The following CSMD3 variants were observed in gnomAD, a reference collection of about 807,000 sequenced individuals.
CSMD3 encodes the protein CUB and Sushi multiple domains 3.
In CSMD3, 177 loss-of-function variants were observed where a neutral mutation model predicts 435.2. That is an observed-to-expected ratio of 0.41 (90% CI 0.36 to 0.46). The LOEUF (loss-of-function observed/expected upper bound fraction) is 0.46, where lower values mean the gene tolerates loss of function less well. Ranked by LOEUF, CSMD3 falls within the 20% of genes least tolerant of loss-of-function variation. CSMD3 has a pLI of 0.34. For missense variants in CSMD3, 4,265 were observed against 4,504.6 expected (o/e 0.95, Z 1.52); for synonymous variants, 1,656 against 1,520.5 (o/e 1.09, Z -2.07).
chr8:112,701,156 T>C (rs948480240), intron 13 of CSMD3, among the ~76,000 whole-genome samples: 2 of 152,144 alleles, frequency 1.3e-5, no homozygotes, highest in African/African-American at 4.8e-5. Flanking sequence ...TTCTAGAGAA[T>C]TAAAGCTAAT....
At chr8:113,271,864 T>C (rs934569619) in intron 3 of CSMD3, among the ~76,000 whole-genome samples, 3 of 152,172 alleles carry the variant, frequency 2.0e-5, no homozygotes, top group Admixed American at 1.3e-4. Context: ...AGTGGTGCTA[T>C]ACCCTGCAAA....
chr8:112,709,216 C>T (rs2076560780), intron 13 of CSMD3, among the ~76,000 whole-genome samples: 1 of 152,030 alleles, frequency 6.6e-6, no homozygotes, highest in African/African-American at 2.4e-5. Context: ...ATAAGTAATG[C>T]CTTCTGAAAT....
In CSMD3 at chr8:112,291,550, T is replaced by C. The variant is rs150396887; in HGVS notation, c.8934A>G (p.Gln2978=). The change falls in exon 56 of 71, where the codon CAA becomes CAG. Residue 2978 remains glutamine, a synonymous_variant. Transcript: ENST00000297405. ...AAGGTTTGTCCCATTGTCCATTTGG[T>C]TGACATATCAAAACTGAAGATCCAA... is the stretch of plus-strand genomic sequence containing the variant. The part of the protein sequence containing the change: ...FLFGSSVLIC[Q]PNGQWDKPLP... 3.7e-6 allele frequency: 6 copies of C among 1,611,642 alleles called. No homozygotes were observed. In the East Asian group the frequency reaches 1.1e-4, roughly 30 times the overall value.
chr8:112,927,679 T>C (rs996784867), intron 9 of CSMD3, among the ~76,000 whole-genome samples: 14 of 152,136 alleles, frequency 9.2e-5, no homozygotes, highest in African/African-American at 2.9e-4. Flanking sequence ...TTTCATCTCA[T>C]ACCAAAACTT....
chr8:112,546,790 C>A (rs1361655082), intron 27 of CSMD3, among the ~76,000 whole-genome samples: 13 of 152,106 alleles, frequency 8.5e-5, no homozygotes, highest in Non-Finnish European at 1.8e-4. Flanking sequence ...GCAAAAGTGC[C>A]TTGCAGACAA....
chr8:112,633,269 A>G (rs999593252), intron 22 of CSMD3, among the ~76,000 whole-genome samples: 2 of 151,040 alleles, frequency 1.3e-5, no homozygotes, highest in African/African-American at 4.9e-5. Flanking sequence ...GAAGCCATGT[A>G]TCAACTATAA....
At chr8:112,418,903 T>A (rs1586261411) in intron 32 of CSMD3, among the ~76,000 whole-genome samples, 1 of 152,306 alleles carries the variant, frequency 6.6e-6, no homozygotes, top group East Asian at 1.9e-4. Context: ...ATTTAAAATA[T>A]TGTATAAAAT....
At chr8:112,910,522 T>C (rs925544308) in intron 10 of CSMD3, among the ~76,000 whole-genome samples, 1 of 151,742 alleles carries the variant, frequency 6.6e-6, no homozygotes, top group Admixed American at 6.6e-5. Flanking sequence ...GGAGAGTATG[T>C]GTCAATTTTT....
At chr8:112,682,763 A>G in intron 15 of CSMD3, 127 bp from the exon 16 acceptor site, 2 of 732,274 alleles carry the variant, frequency 2.7e-6, no homozygotes, top group South Asian at 3.3e-5. Context: ...TTTCTACACA[A>G]GTTTTTATTT....
At chr8:113,227,355 A>G (rs1346876414) in intron 3 of CSMD3, among the ~76,000 whole-genome samples, 1 of 151,624 alleles carries the variant, frequency 6.6e-6, no homozygotes, top group African/African-American at 2.4e-5. Context: ...AGAATGGATT[A>G]AAAGAGAATG....
At chr8:112,676,519 T>C (rs942505895) in intron 16 of CSMD3, among the ~76,000 whole-genome samples, 1 of 152,152 alleles carries the variant, frequency 6.6e-6, no homozygotes, top group Non-Finnish European at 1.5e-5. Context: ...GAGGAAAATT[T>C]GATTTTAAAA....
chr8:112,362,259 T>C lies in CSMD3; in HGVS notation c.6137-9725A>G, dbSNP rs75328630. Among the ~76,000 whole-genome samples, 531 of 152,148 alleles carry C rather than the reference T, an allele frequency of 3.5e-3. 3 individuals carry two copies. Among genetic ancestry groups the C allele is most frequent in the African/African-American group, 0.012 (490 of 41,560 alleles). ...ATCATGTAACAAGTAACTTCATGAATGTTTGTGGATAAACTTTTTTGGAAG... is the reference window on the plus strand; with the variant it reads ...ATCATGTAACAAGTAACTTCATGAACGTTTGTGGATAAACTTTTTTGGAAG... On this transcript the variant is annotated intron_variant, in intron 38 of 70. Transcript: ENST00000297405.
chr8:112,810,356 T>C (rs1162567736), intron 12 of CSMD3, among the ~76,000 whole-genome samples: 1 of 136,590 alleles, frequency 7.3e-6, no homozygotes, highest in Non-Finnish European at 1.5e-5. Flanking sequence ...GGAAGGATAA[T>C]TTAGAATGAA....
intron 5 of CSMD3, among the ~76,000 whole-genome samples, chr8:113,091,391 T>C (rs1343236892): frequency 1.3e-5 from 2 of 152,126 alleles, no homozygotes; most frequent in African/African-American, 4.8e-5. Context: ...ACTGAAGCCA[T>C]TGACTCCCAG....
In CSMD3 at chr8:112,867,176, C is replaced by T. The variant is rs373650632; in HGVS notation, c.1634-7910G>A. On this transcript the variant is annotated intron_variant, in intron 10 of 70. Transcript: ENST00000297405. Reference sequence around the variant, plus strand: ...TCTCAGCAAGAAAAGGGAACTATCCCTGACTTCACAGAAGTAGGCCAAGGC... The same window carrying T: ...TCTCAGCAAGAAAAGGGAACTATCCTTGACTTCACAGAAGTAGGCCAAGGC... Among the ~76,000 whole-genome samples, 4 of 152,220 alleles carry T rather than the reference C, an allele frequency of 2.6e-5. No homozygotes were observed. In the South Asian group the frequency reaches 8.3e-4, roughly 32 times the overall value.
chr8:113,219,292 C>T (rs1035004310), intron 3 of CSMD3, among the ~76,000 whole-genome samples: 2 of 151,090 alleles, frequency 1.3e-5, no homozygotes. Context: ...TAAAACTATA[C>T]CTATCCGCAA....
At chr8:112,699,755 G>T (rs1223928009) in intron 13 of CSMD3, among the ~76,000 whole-genome samples, 1 of 152,164 alleles carries the variant, frequency 6.6e-6, no homozygotes, top group South Asian at 2.1e-4. Flanking sequence ...TGTGGCCTAT[G>T]CCTGGATATG....
chr8:112,889,722 ATTT>A (rs1205475146), intron 10 of CSMD3, among the ~76,000 whole-genome samples: 1 of 151,808 alleles, frequency 6.6e-6, no homozygotes, highest in African/African-American at 2.4e-5. Flanking sequence ...AAAAAAATGT[ATTT>A]TTAACATATT....
At chr8:113,010,785 G>T (rs1040191718) in intron 6 of CSMD3, among the ~76,000 whole-genome samples, 3 of 151,312 alleles carry the variant, frequency 2.0e-5, no homozygotes, top group African/African-American at 7.3e-5. Flanking sequence ...TAAAGTTTTG[G>T]GGTTTTTAAG....
Sources: gnomAD v4.1 joint callset for allele counts (sites outside exome capture counted in the v4.1 genomes callset) on GRCh38, gnomAD v4.1.1 for gene constraint, MANE v1.5 for transcripts, NCBI Gene and HGNC (gene_info 2026-07-23, HGNC 2026-07-21) for gene names.